LIMA1: variants seen among roughly 807,000 people sequenced by gnomAD.
LIMA1 encodes the protein LIM domain and actin binding 1, also known as LIM domain and actin-binding protein 1.
Under a neutral mutation model 62.6 loss-of-function variants are expected in LIMA1, and 52 were observed. The ratio of observed to expected loss-of-function variants is 0.83; its 90% CI spans 0.67 to 1.05. LIMA1 has a LOEUF of 1.05. Ranked by LOEUF, LIMA1 falls within the 50% of genes least tolerant of loss-of-function variation. LIMA1 has a pLI of 0.00. For synonymous variants in LIMA1, 302 were observed against 317.8 expected, an observed-to-expected ratio of 0.95 and a Z score of 0.53; for missense variants, 780 against 902.2, an observed-to-expected ratio of 0.86 and a Z score of 1.74.
At chr12:50,264,598 T>A (rs530490578) in intron 1 of LIMA1, among the ~76,000 whole-genome samples, 1 of 152,310 alleles carries the variant, frequency 6.6e-6, no homozygotes, top group South Asian at 2.1e-4. Flanking sequence ...TGTACTTTAC[T>A]TTCCTTCTAT....
At chr12:50,262,105 G>A (rs1219949994) in intron 1 of LIMA1, among the ~76,000 whole-genome samples, 6 of 152,078 alleles carry the variant, frequency 3.9e-5, no homozygotes, top group Non-Finnish European at 7.4e-5. Flanking sequence ...ATTCTACTAA[G>A]GTAGAATAAA....
At chr12:50,238,616 T>C (rs1382244109) in intron 2 of LIMA1, among the ~76,000 whole-genome samples, 1 of 152,102 alleles carries the variant, frequency 6.6e-6, no homozygotes, top group Non-Finnish European at 1.5e-5. Flanking sequence ...CCCAGCACTT[T>C]GGCAGGCCGA....
chr12:50,222,574 C>A, intron 3 of LIMA1, 89 bp from the exon 4 acceptor site: 1 of 1,577,934 alleles, frequency 6.3e-7, no homozygotes, highest in South Asian at 1.1e-5. Context: ...GTTAAAACTC[C>A]AAGCTGCTCC....
intron 2 of LIMA1, among the ~76,000 whole-genome samples, chr12:50,238,721 G>C (rs1941731316): frequency 6.6e-6 from 1 of 151,632 alleles, no homozygotes. Flanking sequence ...GTGGTGGTGG[G>C]TACCTGTAAT....
chr12:50,193,685 T>TCAGAG (rs1940859148), intron 8 of LIMA1, among the ~76,000 whole-genome samples: 1 of 133,076 alleles, frequency 7.5e-6, no homozygotes, highest in Non-Finnish European at 1.6e-5. Context: ...TTTTTTTTTT[T>TCAGAG]TCAGAGTCTC....
intron 9 of LIMA1, chr12:50,182,306 C>A: frequency 1.6e-5 from 3 of 184,696 alleles, no homozygotes; most frequent in Admixed American, 5.5e-5. Flanking sequence ...ATGGCTTAGA[C>A]AAGTCACGAC....
chr12:50,256,869 G>A (rs1211067972), intron 1 of LIMA1, among the ~76,000 whole-genome samples: 1 of 152,170 alleles, frequency 6.6e-6, no homozygotes, highest in Non-Finnish European at 1.5e-5. Flanking sequence ...GATTATAAAT[G>A]TTTGAAAGGA....
At position 50,222,225 on chromosome 12, in the gene LIMA1, A is replaced by G. The variant is rs930239660; in HGVS notation, c.426T>C (p.Tyr142=). The change falls in exon 4 of 11, where the codon TAT becomes TAC. Residue 142 remains tyrosine (Y), a synonymous_variant. Transcript: ENST00000341247. The stretch of plus-strand genomic sequence containing the variant: ...GATCCTCACCGTCCTTGATGTGGGG[A>G]TATCGACCCTGAACGAGGGCTTCAG... ...SPPEALVQGR[Y]PHIKDGEDLK... 7 of 1,614,004 alleles carry G rather than the reference A, an allele frequency of 4.3e-6. No homozygotes were observed. The South Asian group carries it at 7.7e-5, about 18-fold the overall frequency.
intron 10 of LIMA1, among the ~76,000 whole-genome samples, chr12:50,180,778 G>A (rs1565826228): frequency 6.6e-6 from 1 of 152,004 alleles, no homozygotes; most frequent in Non-Finnish European, 1.5e-5. Flanking sequence ...AGTGACAAAT[G>A]TTAAAGGGGG....
rs950173413 is a variant in LIMA1, at chr12:50,177,829, A to G, written c.1515T>C (p.Ala505=). 1.1e-5 allele frequency: 17 copies of G among 1,613,356 alleles called. No individual in the cohort carries two copies. The highest frequency in any genetic ancestry group is 1.3e-5 in the Non-Finnish European group (15 of 1,179,728). ...DAPIAKVGVL[A]ASMEAKASSQ... is the part of the protein sequence containing the mutation. ...AGGAGGCCTTGGCTTCCATACTTGCAGCCAGGACACCCACCTTAGCAATAG... is the reference window on the plus strand; with the variant it reads ...AGGAGGCCTTGGCTTCCATACTTGCGGCCAGGACACCCACCTTAGCAATAG... Residue 505 remains alanine (A), a synonymous_variant, in exon 11 of 11, where the codon GCT becomes GCC. Coordinates refer to ENST00000341247, the MANE Select transcript of LIMA1 (RefSeq NM_016357.5).
intron 1 of LIMA1, among the ~76,000 whole-genome samples, chr12:50,270,569 C>T (rs945051395): frequency 2.2e-5 from 3 of 139,110 alleles, no homozygotes; most frequent in Non-Finnish European, 3.0e-5. Context: ...CACGCCACTG[C>T]ACTCCAGCCT....
intron 7 of LIMA1, chr12:50,196,151 C>G: frequency 2.6e-6 from 1 of 381,032 alleles, no homozygotes; most frequent in Non-Finnish European, 4.7e-6. Context: ...TGCATCATCT[C>G]CCTTTATAAA....
chr12:50,203,259 C>T (rs1281855622), intron 6 of LIMA1, among the ~76,000 whole-genome samples: 5 of 151,900 alleles, frequency 3.3e-5, no homozygotes, highest in Admixed American at 2.6e-4. Context: ...AAATGACCCA[C>T]CCACCTCAGG....
chr12:50,214,415 T>C (rs886235822), intron 4 of LIMA1, among the ~76,000 whole-genome samples: 2 of 152,266 alleles, frequency 1.3e-5, no homozygotes, highest in African/African-American at 2.4e-5. Context: ...ATTAAAGATA[T>C]ACTCCCCTAC....
intron 1 of LIMA1, among the ~76,000 whole-genome samples, chr12:50,255,611 A>G (rs1208624191): frequency 6.6e-6 from 1 of 151,558 alleles, no homozygotes; most frequent in East Asian, 1.9e-4. Flanking sequence ...AAGAAAGGAA[A>G]GAAAGAAAAG....
intron 1 of LIMA1, 143 bp from the exon 2 acceptor site, chr12:50,248,917 T>C (rs1941889656): frequency 3.5e-6 from 2 of 569,876 alleles, no homozygotes; most frequent in Non-Finnish European, 3.1e-6. Context: ...CTTGGTCAAA[T>C]GATCCAATAT....
intron 1 of LIMA1, among the ~76,000 whole-genome samples, chr12:50,277,413 T>C (rs1402789677): frequency 6.6e-6 from 1 of 152,100 alleles, no homozygotes; most frequent in Non-Finnish European, 1.5e-5. Flanking sequence ...AGGTGAAAGG[T>C]TAGAGATGAG....
At chr12:50,227,160 A>G (rs948903477) in intron 3 of LIMA1, among the ~76,000 whole-genome samples, 2 of 151,600 alleles carry the variant, frequency 1.3e-5, no homozygotes, top group Non-Finnish European at 2.9e-5. Flanking sequence ...TTTTCTACCA[A>G]TTCTACCTGG....
chr12:50,230,702 G>C (rs1367164321), intron 3 of LIMA1, among the ~76,000 whole-genome samples: 1 of 151,690 alleles, frequency 6.6e-6, no homozygotes, highest in South Asian at 2.1e-4. Flanking sequence ...TCAGCCTCCC[G>C]AGTAGCTGGG....
Sources: allele counts gnomAD v4.1 joint callset (sites outside exome capture counted in the v4.1 genomes callset), GRCh38; gene constraint gnomAD v4.1.1; transcripts MANE v1.5; gene names NCBI Gene and HGNC (gene_info 2026-07-23, HGNC 2026-07-21).